The following ADAM8 variants were observed in gnomAD, a reference collection of about 807,000 sequenced individuals.
ADAM8 encodes disintegrin and metalloproteinase domain-containing protein 8.
A neutral mutation model predicts 102.4 loss-of-function variants in ADAM8; 104 were observed. That is an observed-to-expected ratio of 1.02 (90% CI 0.87 to 1.20). ADAM8 has a LOEUF of 1.20. Ranked by LOEUF, ADAM8 falls within the 50% of genes most tolerant of loss-of-function variation. The pLI is 0.00. For synonymous variants in ADAM8, 517 were observed against 485.2 expected (o/e 1.07, Z -0.86); for missense variants, 1,132 against 1,159.0 (o/e 0.98, Z 0.34).
intron 19 of ADAM8, 87 bp from the exon 20 acceptor site, chr10:133,268,205 C>T (rs1244138841): frequency 3.3e-5 from 38 of 1,164,766 alleles, no homozygotes; most frequent in Non-Finnish European, 3.6e-5. Flanking sequence ...CAGCTCCAGC[C>T]GACCCGAGAG....
intron 10 of ADAM8, 29 bp from the exon 11 acceptor site, chr10:133,271,983 C>T (rs1480234407): frequency 1.9e-6 from 3 of 1,599,010 alleles, no homozygotes; most frequent in Middle Eastern, 1.7e-4. Context: ...TCTCAGGAAC[C>T]ATGTGGCCAA....
At chr10:133,270,079 C>T (rs1846468375) in intron 16 of ADAM8, 105 bp from the exon 17 acceptor site, 1 of 1,344,020 alleles carries the variant, frequency 7.4e-7, no homozygotes. Context: ...TCACCACGTC[C>T]AAGGTGGCTG....
At chr10:133,275,444 G>A in intron 2 of ADAM8, 40 bp downstream of exon 2, 1 of 1,438,650 alleles carries the variant, frequency 7.0e-7, no homozygotes, top group East Asian at 2.6e-5. Flanking sequence ...ATAGGCTCAG[G>A]GGCCAGCCAG....
chr10:133,275,627 G>A, intron 1 of ADAM8, 40 bp from the exon 2 acceptor site: 3 of 1,201,772 alleles, frequency 2.5e-6, no homozygotes, highest in African/African-American at 3.2e-5. Context: ...GGGCCGGGGG[G>A]CAGGTTTCCT....
At chr10:133,275,435 TA>T in intron 2 of ADAM8, 48 bp downstream of exon 2, 7 of 1,394,788 alleles carry the variant, frequency 5.0e-6, no homozygotes, top group Non-Finnish European at 5.9e-6. Flanking sequence ...TTCACAAAAA[TA>T]GGCTCAGGGG....
Position 133,275,468 on chromosome 10 carries a change from G to A in ADAM8, c.150+16C>T, listed in dbSNP as rs1269519656. On this transcript the variant is annotated intron_variant, in intron 2 of 22. Coordinates refer to ENST00000445355, the MANE Select transcript of ADAM8 (RefSeq NM_001109.5). ...GGGGCCAGCCAGGGACCCTCCCCAG[G>A]CCAGCTTAGACTCACCAAGTGGGAG... is the stretch of plus-strand genomic sequence containing the variant. The A allele has an allele frequency of 4.6e-6, 7 of 1,519,492 alleles. No individual in the cohort carries two copies. In the African/African-American group the frequency reaches 7.0e-5, roughly 15 times the overall value. 94.1% of individuals were successfully genotyped at this position (1,519,492 alleles called of 1,614,324 possible). A position where few individuals can be genotyped will look rare whatever the true frequency, so the allele number is the denominator to read the frequency against.
chr10:133,263,047 CAA>C lies in ADAM8; in HGVS notation c.*107_*108del, dbSNP rs1846208503. 1.5e-6 allele frequency: 2 copies of C among 1,334,950 alleles called. No individual in the cohort carries two copies. Among genetic ancestry groups the C allele is most frequent in the Admixed American group, 1.7e-5 (1 of 59,024 alleles). 82.7% of individuals were successfully genotyped at this position (1,334,950 alleles called of 1,614,324 possible). A position where few individuals can be genotyped will look rare whatever the true frequency, so the allele number is the denominator to read the frequency against. On this transcript the variant is annotated 3_prime_UTR_variant, in exon 23 of 23. Coordinates refer to ENST00000445355, the MANE Select transcript of ADAM8 (RefSeq NM_001109.5). ...GAGGTTAGAACAGCAGCTGAGCCTG[CAA>C]AGTCAGGGTCTAGGGCTGAGCGGCA... is the stretch of plus-strand genomic sequence containing the variant.
rs368291289 is a variant in ADAM8, at chr10:133,271,958, C to T, written c.958-4G>A. The T allele has an allele frequency of 2.1e-5, 33 of 1,609,348 alleles. No individual in the cohort carries two copies. The highest frequency in any genetic ancestry group is 5.1e-6 in the Non-Finnish European group (6 of 1,177,316). ...CCACGGGGTTCTTGCTGTGGTCCTG[C>T]AGGAGGGTCTGTGCTCTCAGGAACC... On this transcript the variant is annotated splice_polypyrimidine_tract_variant and splice_region_variant and intron_variant, in intron 10 of 22. Transcript: ENST00000445355.
At chr10:133,274,661 C>G (rs961126213) in intron 2 of ADAM8, 7 of 293,346 alleles carry the variant, frequency 2.4e-5, no homozygotes, top group African/African-American at 1.6e-4. Flanking sequence ...GCCCCTTCCC[C>G]GAGAAAGCAT....
Position 133,271,087 on chromosome 10 carries a change from C to T in ADAM8, c.1375-17G>A, listed in dbSNP as rs909210915. Reference sequence around the variant, plus strand: ...CGGCTTCACCTGGCCCAGCAGAGAACAGCTCACCATGGGGACAGGTCCACG... The same window carrying T: ...CGGCTTCACCTGGCCCAGCAGAGAATAGCTCACCATGGGGACAGGTCCACG... On this transcript the variant is annotated splice_polypyrimidine_tract_variant and intron_variant, in intron 13 of 22. Coordinates refer to ENST00000445355, the MANE Select transcript of ADAM8 (RefSeq NM_001109.5). 1.9e-6 allele frequency: 3 copies of T among 1,606,020 alleles called. No homozygotes were observed. In the Admixed American group the frequency reaches 5.0e-5, roughly 27 times the overall value.
chr10:133,273,289 G>GT lies in ADAM8; in HGVS notation c.537dup (p.Pro180ThrfsTer75). 6.3e-7 allele frequency: 1 copy of GT among 1,597,878 alleles called. No individual in the cohort carries two copies. On this transcript the variant is annotated frameshift_variant, in exon 6 of 23. Transcript: ENST00000445355. LOFTEE classifies it high-confidence loss of function. ...GGCCTGAAGACGGCTGCCGTCCGGG[G>GT]TCCCAGGAGGCTGCCCAGGCTGTCG...
intron 6 of ADAM8, 40 bp from the exon 7 acceptor site, chr10:133,273,059 G>C (rs758182031): frequency 6.2e-7 from 1 of 1,611,624 alleles, no homozygotes; most frequent in Non-Finnish European, 8.5e-7. Flanking sequence ...CCTTCCCAGC[G>C]CCGGGGCCTG....
chr10:133,264,386 T>G (rs1194367623), intron 21 of ADAM8, among the ~76,000 whole-genome samples: 4 of 152,156 alleles, frequency 2.6e-5, no homozygotes, highest in Non-Finnish European at 5.9e-5. Flanking sequence ...ATTGCCGGAA[T>G]GTGGGGTTTT....
At chr10:133,269,618 A>G (rs896162294) in intron 17 of ADAM8, 89 bp from the exon 18 acceptor site, 9 of 1,334,672 alleles carry the variant, frequency 6.7e-6, no homozygotes, top group African/African-American at 1.5e-5. Context: ...GCCCCGGGCC[A>G]GCCCCACCCC....
In ADAM8 at chr10:133,268,062, G is replaced by T; in HGVS notation, c.2120C>A (p.Ala707Asp). The T allele has an allele frequency of 7.9e-7, 1 of 1,270,214 alleles. No homozygotes were observed. The highest frequency in any genetic ancestry group is 1.0e-6 in the Non-Finnish European group (1 of 1,000,792). 78.7% of individuals were successfully genotyped at this position (1,270,214 alleles called of 1,614,324 possible). A position where few individuals can be genotyped will look rare whatever the true frequency, so the allele number is the denominator to read the frequency against. ...GRSNPLFHQA[A>D]SRVPAKGGAP... The stretch of plus-strand genomic sequence containing the variant: ...CCCGCCCTTGGCCGGCACGCGGCTG[G>T]CAGCCTGGTGGAACAGGGGGTTGGA... Residue 707 changes from alanine (A) to aspartate (D), a missense_variant, in exon 20 of 23, where the codon GCC becomes GAC. Physicochemically the swap from Ala to Asp is moderately radical, Grantham distance 126. Coordinates refer to ENST00000445355, the MANE Select transcript of ADAM8 (RefSeq NM_001109.5).
Position 133,268,785 on chromosome 10 carries a change from T to C in ADAM8, c.2026A>G (p.Ile676Val), listed in dbSNP as rs1392211798. 1.9e-6 allele frequency: 3 copies of C among 1,610,932 alleles called. No homozygotes were observed. Among genetic ancestry groups the C allele is most frequent in the South Asian group, 2.2e-5 (2 of 91,068 alleles). ...CGGCTCCGGGCTTTGCGGTAGACGA[T>C]GATGCCTGCCAGGGTGACCAGCACA... ...AVVLVTLAGI[I>V]VYRKARSRIL... The change falls in exon 19 of 23, where the codon ATC (isoleucine) becomes GTC (valine). Residue 676 changes from isoleucine (I) to valine (V), a missense_variant. By Grantham distance (29) the Ile-to-Val change is conservative (BLOSUM62 3). Transcript: ENST00000445355.
rs1223217901 is a variant in ADAM8 at position 133,269,909 on chromosome 10, G to A, written c.1851C>T (p.Cys617=). The A allele has an allele frequency of 6.2e-7, 1 of 1,612,780 alleles. No individual in the cohort carries two copies. Among genetic ancestry groups the A allele is most frequent in the South Asian group, 1.1e-5 (1 of 91,090 alleles). ...VYRSSNCSAQ[C]HNHGVCNHKQ... ...AGGCCACACATACCCCATGGTTGTG[G>A]CACTGGGCAGAGCAGTTGCTGGATC... Residue 617 remains cysteine (C), a synonymous_variant, in exon 17 of 23, where the codon TGC becomes TGT. Transcript: ENST00000445355.
chr10:133,264,695 T>C (rs558065562), intron 21 of ADAM8, among the ~76,000 whole-genome samples: 1 of 148,242 alleles, frequency 6.7e-6, no homozygotes, highest in South Asian at 2.1e-4. Context: ...CTCAGCCCCA[T>C]CTACTGCCAC....
chr10:133,267,422 A>G lies in ADAM8; in HGVS notation c.2254-5T>C. The G allele has an allele frequency of 6.2e-7, 1 of 1,607,208 alleles. No individual in the cohort carries two copies. Among genetic ancestry groups the G allele is most frequent in the Non-Finnish European group, 8.5e-7 (1 of 1,178,094 alleles). On this transcript the variant is annotated splice_polypyrimidine_tract_variant and splice_region_variant and intron_variant, in intron 20 of 22. Transcript: ENST00000445355. ...GCTGGACACAGTGACCGGAGGCTGG[A>G]GGAGACAGGGCCGAGAGCCTGGGTC...
Sources: gnomAD v4.1 joint callset for allele counts (sites outside exome capture counted in the v4.1 genomes callset) on GRCh38, gnomAD v4.1.1 for gene constraint, MANE v1.5 for transcripts, NCBI Gene and HGNC (gene_info 2026-07-23, HGNC 2026-07-21) for gene names.